RAD54L2: variants seen among roughly 807,000 people sequenced by gnomAD.
RAD54L2 encodes the protein helicase ARIP4.
RAD54L2 carries 27 observed loss-of-function variants against 138.4 expected under a neutral mutation model. The ratio of observed to expected loss-of-function variants is 0.20; its 90% CI spans 0.14 to 0.27. RAD54L2 has a LOEUF of 0.27. Among genes scored for constraint, RAD54L2 ranks in the 10% least tolerant of loss-of-function variants. The pLI is 1.00. For missense variants in RAD54L2, 1,396 were observed against 1,890.2 expected (o/e 0.74, Z 4.85); for synonymous variants, 644 against 723.2 (o/e 0.89, Z 1.76).
intron 20 of RAD54L2, among the ~76,000 whole-genome samples, chr3:51,657,310 A>T (rs1288370369): frequency 6.6e-6 from 1 of 152,228 alleles, no homozygotes; most frequent in Admixed American, 6.5e-5. Flanking sequence ...CACACCAAAA[A>T]CTATGAATTT....
In RAD54L2 at chr3:51,666,947, G is replaced by A. The variant is rs1025862800; in HGVS notation, c.*3527G>A. The A allele has an allele frequency of 3.9e-5, 6 of 152,192 alleles. No individual in the cohort carries two copies. The highest frequency in any genetic ancestry group is 8.8e-5 in the Non-Finnish European group (6 of 68,052). The allele number at this position is 152,192 out of a possible 1,614,324, so 9.4% of individuals were successfully genotyped here. A position where few individuals can be genotyped will look rare whatever the true frequency, so the allele number is the denominator to read the frequency against. On this transcript the variant is annotated 3_prime_UTR_variant, in exon 23 of 23. Transcript: ENST00000684192. ...ATTCAGGAGCAGGAAGCAAAGTGCT[G>A]GGGTACAGTTTTGCAGATTGGTTGA...
At chr3:51,613,150 C>T (rs537416277) in intron 3 of RAD54L2, among the ~76,000 whole-genome samples, 1 of 152,118 alleles carries the variant, frequency 6.6e-6, no homozygotes, top group South Asian at 2.1e-4. Context: ...CCACGTTAGC[C>T]AGTGTGGTCT....
At chr3:51,557,481 CTGT>C (rs1300604792) in intron 2 of RAD54L2, among the ~76,000 whole-genome samples, 2 of 151,686 alleles carry the variant, frequency 1.3e-5, no homozygotes, top group Non-Finnish European at 2.9e-5. Context: ...CTGCACCAGG[CTGT>C]TGTTGGCATA....
At chr3:51,553,282 T>C (rs2108693406) in intron 2 of RAD54L2, among the ~76,000 whole-genome samples, 1 of 152,276 alleles carries the variant, frequency 6.6e-6, no homozygotes, top group East Asian at 1.9e-4. Context: ...TTCACCATGC[T>C]GGCCAGGATG....
At chr3:51,588,534 CAA>C (rs71633079) in intron 2 of RAD54L2, among the ~76,000 whole-genome samples, 20 of 49,422 alleles carry the variant, frequency 4.0e-4, no homozygotes, top group Middle Eastern at 0.011. Context: ...AACTGCATCT[CAA>C]AAAAAAAAAA....
At chr3:51,630,245 C>T (rs768210185) in intron 5 of RAD54L2, 27 bp from the exon 6 acceptor site, 29 of 1,582,238 alleles carry the variant, frequency 1.8e-5, no homozygotes, top group Middle Eastern at 1.7e-4. Flanking sequence ...GTCTTGACAC[C>T]GTTCCCTTCC....
intron 2 of RAD54L2, among the ~76,000 whole-genome samples, chr3:51,545,822 C>T (rs1477125392): frequency 2.0e-5 from 3 of 151,822 alleles, no homozygotes; most frequent in Non-Finnish European, 1.5e-5. Context: ...CTCAAGTGAT[C>T]CTTCTGCGTT....
At chr3:51,583,576 C>T (rs1167492472) in intron 2 of RAD54L2, among the ~76,000 whole-genome samples, 6 of 150,564 alleles carry the variant, frequency 4.0e-5, no homozygotes, top group South Asian at 2.1e-4. Flanking sequence ...TGTGCCACCA[C>T]GCCCAGCTAA....
At chr3:51,632,786 G>A (rs1047896134) in intron 7 of RAD54L2, among the ~76,000 whole-genome samples, 1 of 151,814 alleles carries the variant, frequency 6.6e-6, no homozygotes, top group African/African-American at 2.4e-5. Flanking sequence ...CAGCTACTCT[G>A]GAGGCTGAGG....
intron 3 of RAD54L2, among the ~76,000 whole-genome samples, chr3:51,594,797 C>A (rs986588307): frequency 2.0e-5 from 3 of 149,502 alleles, no homozygotes; most frequent in African/African-American, 7.4e-5. Flanking sequence ...GGAGAGATGA[C>A]CTATGGTTAG....
chr3:51,558,098 A>G (rs1466450744), intron 2 of RAD54L2, among the ~76,000 whole-genome samples: 1 of 151,826 alleles, frequency 6.6e-6, no homozygotes, highest in Non-Finnish European at 1.5e-5. Context: ...TGCCCACCTC[A>G]GCTTCCCAAA....
In RAD54L2 at chr3:51,637,263, A is replaced by G. The variant is rs1276983107; in HGVS notation, c.1442A>G (p.Asn481Ser). The change falls in exon 11 of 23, where the codon AAT becomes AGT. Residue 481 changes from asparagine (N) to serine (S), a missense_variant. By Grantham distance (46) the Asn-to-Ser change is conservative. Transcript: ENST00000684192. This position sits in a 1 kb window ranked among gnomAD's most constrained non-coding sequence, Gnocchi z 5.9. ...GCCAGCACCTCACAGGCTCTGAAGA[A>G]TATCCGCTCTCGCCGCCGGGTGGTG... ...CQASTSQALK[N>S]IRSRRRVVLT... is the part of the protein sequence containing the mutation. The G allele has an allele frequency of 6.2e-7, 1 of 1,605,844 alleles. No homozygotes were observed. The highest frequency in any genetic ancestry group is 8.5e-7 in the Non-Finnish European group (1 of 1,176,230).
chr3:51,643,757 G>A, intron 15 of RAD54L2, 118 bp from the exon 16 acceptor site: 1 of 802,058 alleles, frequency 1.2e-6, no homozygotes, highest in Middle Eastern at 2.5e-4. Flanking sequence ...CAAGGGGTGA[G>A]ATCTGAGCAC....
rs759685269 is a variant in RAD54L2 at position 51,630,310 on chromosome 3, C to A, written c.520C>A (p.Pro174Thr). The A allele has an allele frequency of 3.1e-6, 5 of 1,614,054 alleles. No homozygotes were observed. Among genetic ancestry groups the A allele is most frequent in the Non-Finnish European group, 4.2e-6 (5 of 1,179,900 alleles). The change falls in exon 6 of 23, where the codon CCT becomes ACT. Residue 174 changes from proline (P) to threonine (T), a missense_variant. By Grantham distance (38) the Pro-to-Thr change is conservative. Around this residue, in one of 7 missense-constraint regions of RAD54L2, gnomAD observed 256 missense variants for 344.6 expected, o/e 0.74. Transcript: ENST00000684192. ...ALRASDGPQL[P>T]PRVLAQEVIC... ...AAGGGCAAGTGACGGTCCCCAACTG[C>A]CTCCTCGGGTCTTGGCCCAGGAAGT... is the stretch of plus-strand genomic sequence containing the variant.
chr3:51,550,107 T>C (rs997878758), intron 2 of RAD54L2, among the ~76,000 whole-genome samples: 5 of 151,708 alleles, frequency 3.3e-5, no homozygotes, highest in Non-Finnish European at 7.4e-5. Flanking sequence ...GTCAGGAAAA[T>C]GAGCTGTCTT....
chr3:51,647,803 A>G (rs1051318172), intron 19 of RAD54L2, among the ~76,000 whole-genome samples: 1 of 152,126 alleles, frequency 6.6e-6, no homozygotes, highest in Non-Finnish European at 1.5e-5. Context: ...GTGAGCCACC[A>G]TGCCCAGCCT....
At chr3:51,588,044 G>T (rs147317652) in intron 2 of RAD54L2, among the ~76,000 whole-genome samples, 40 of 151,762 alleles carry the variant, frequency 2.6e-4, no homozygotes, top group African/African-American at 8.7e-4. Flanking sequence ...AAATTAGCCG[G>T]GCGTGGTGGC....
intron 21 of RAD54L2, among the ~76,000 whole-genome samples, chr3:51,658,415 T>C (rs543871724): frequency 2.6e-5 from 4 of 152,222 alleles, no homozygotes; most frequent in Non-Finnish European, 5.9e-5. Context: ...GGTTGCATGA[T>C]AGAATTTTTG....
intron 19 of RAD54L2, among the ~76,000 whole-genome samples, chr3:51,647,728 G>A (rs181576550): frequency 1.6e-4 from 25 of 152,150 alleles, no homozygotes; most frequent in Admixed American, 3.3e-4. Context: ...GCTCAGACTG[G>A]TCTTGAACTC....
Sources: gnomAD v4.1 joint callset for allele counts (sites outside exome capture counted in the v4.1 genomes callset) on GRCh38, gnomAD v4.1.1 for gene constraint, gnomAD v4.1.1 regional missense constraint, Gnocchi (gnomAD v3.1) non-coding constraint, MANE v1.5 for transcripts, NCBI Gene and HGNC (gene_info 2026-07-23, HGNC 2026-07-21) for gene names.